KLHL17: variants seen among roughly 807,000 people sequenced by gnomAD.
KLHL17 encodes the protein kelch like family member 17.
Under a neutral mutation model 64.6 loss-of-function variants are expected in KLHL17, and 71 were observed. The ratio of observed to expected loss-of-function variants is 1.10; its 90% CI spans 0.91 to 1.34. KLHL17 has a LOEUF of 1.34. Ranked by LOEUF, KLHL17 falls within the 40% of genes most tolerant of loss-of-function variation. KLHL17 has a pLI of 0.00. For missense variants in KLHL17, 1,140 were observed against 935.0 expected, an observed-to-expected ratio of 1.22 and a Z score of -2.86; for synonymous variants, 612 against 405.4, an observed-to-expected ratio of 1.51 and a Z score of -6.12.
At position 965,367 on chromosome 1, in the gene KLHL17, G is replaced by C. The variant is rs1413948244; in HGVS notation, c.*176G>C. 4.8e-6 allele frequency: 3 copies of C among 631,134 alleles called. No homozygotes were observed. The highest frequency in any genetic ancestry group is 8.1e-6 in the Non-Finnish European group (3 of 368,668). 39.1% of individuals were successfully genotyped at this position (631,134 alleles called of 1,614,324 possible). On this transcript the variant is annotated 3_prime_UTR_variant, in exon 12 of 12. Coordinates refer to ENST00000338591, the MANE Select transcript of KLHL17 (RefSeq NM_198317.3). ...TTATTGAGGGGTGAGGAGTGCCACGGCTGCCCGTTTACACCTTTAGCGTCT... is the reference window on the plus strand; with the variant it reads ...TTATTGAGGGGTGAGGAGTGCCACGCCTGCCCGTTTACACCTTTAGCGTCT...
At chr1:963,078 C>T (rs746901298) in intron 6 of KLHL17, 31 bp from the exon 7 acceptor site, 1 of 1,606,286 alleles carries the variant, frequency 6.2e-7, no homozygotes, top group Admixed American at 1.7e-5. Context: ...GGGATCCACT[C>T]ACGAGTCCCG....
At chr1:962,585 C>G (rs1642708494) in intron 5 of KLHL17, 114 bp downstream of exon 5, 3 of 1,524,962 alleles carry the variant, frequency 2.0e-6, no homozygotes, top group Non-Finnish European at 2.6e-6. Context: ...GGTGGTGCCC[C>G]CACCTGTCTG....
chr1:965,344 A>G lies in KLHL17; in HGVS notation c.*153A>G, dbSNP rs1132832. The G allele has an allele frequency of 2.9e-6, 2 of 701,080 alleles. No homozygotes were observed. The highest frequency in any genetic ancestry group is 1.8e-5 in the African/African-American group (1 of 55,686). The allele number at this position is 701,080 out of a possible 1,614,324, so 43.4% of individuals were successfully genotyped here. A position where few individuals can be genotyped will look rare whatever the true frequency, so the allele number is the denominator to read the frequency against. On this transcript the variant is annotated 3_prime_UTR_variant, in exon 12 of 12. Coordinates refer to ENST00000338591, the MANE Select transcript of KLHL17 (RefSeq NM_198317.3). ...ATTTATTTAGTTATTTATCTTATTT[A>G]TTGAGGGGTGAGGAGTGCCACGGCT...
In KLHL17 at chr1:963,579, G is replaced by A. The variant is rs183082554; in HGVS notation, c.1355+75G>A. On this transcript the variant is annotated intron_variant, in intron 8 of 11. Transcript: ENST00000338591. ...GCAAGTTTGTGTCACCATCACAGGG[G>A]TCGTATCTGATGGGGTGTTAAAGGA... 995 of 1,484,334 alleles carry A rather than the reference G, an allele frequency of 6.7e-4. 5 individuals are homozygous for A. The African/African-American group carries it at 0.011, about 16-fold the overall frequency. 91.9% of individuals were successfully genotyped at this position (1,484,334 alleles called of 1,614,324 possible). A position where few individuals can be genotyped will look rare whatever the true frequency, so the allele number is the denominator to read the frequency against.
Position 965,563 on chromosome 1 carries a change from G to GAT in KLHL17, c.*372_*373insAT. 2 of 276,550 alleles carry GAT rather than the reference G, an allele frequency of 7.2e-6. No homozygotes were observed. Among genetic ancestry groups the GAT allele is most frequent in the Non-Finnish European group, 1.4e-5 (2 of 146,572 alleles). The allele number at this position is 276,550 out of a possible 1,614,324, so 17.1% of individuals were successfully genotyped here. A position where few individuals can be genotyped will look rare whatever the true frequency, so the allele number is the denominator to read the frequency against. ...AGACCCCAGCTCGAATTTTGCACAT[G>GAT]GCGGGGTCCCGGGAAGGGTGGGGAG... On this transcript the variant is annotated 3_prime_UTR_variant, in exon 12 of 12. Transcript: ENST00000338591.
At chr1:964,236 C>T (rs765164447) in intron 10 of KLHL17, 56 bp downstream of exon 10, 19 of 1,603,898 alleles carry the variant, frequency 1.2e-5, no homozygotes, top group Non-Finnish European at 1.6e-5. Flanking sequence ...GGCCCTCCTC[C>T]CTCTGTTTAC....
In KLHL17 at chr1:965,452, C is replaced by A. The variant is rs569884644; in HGVS notation, c.*261C>A. 1.9e-6 allele frequency: 1 copy of A among 540,078 alleles called. No individual in the cohort carries two copies. The highest frequency in any genetic ancestry group is 3.3e-6 in the Non-Finnish European group (1 of 305,510). The allele number at this position is 540,078 out of a possible 1,614,324, so 33.5% of individuals were successfully genotyped here. ...ATGGGGGGCGCGGGGAGTGACCAGG[C>A]GGGGGCCTCACCGCCCCAGGGCCGT... On this transcript the variant is annotated 3_prime_UTR_variant, in exon 12 of 12. Coordinates refer to ENST00000338591, the MANE Select transcript of KLHL17 (RefSeq NM_198317.3).
In KLHL17 at chr1:961,881, G is replaced by T. The variant is rs202222378; in HGVS notation, c.545G>T (p.Cys182Phe). The T allele has an allele frequency of 6.2e-7, 1 of 1,612,560 alleles. No individual in the cohort carries two copies. Among genetic ancestry groups the T allele is most frequent in the Non-Finnish European group, 8.5e-7 (1 of 1,179,996 alleles). ...CTGAATGGCGTCCGAGACGCTTGCTGCAAGTTTCTACTGAGTCAGCTCGAC... is the reference window on the plus strand; with the variant it reads ...CTGAATGGCGTCCGAGACGCTTGCTTCAAGTTTCTACTGAGTCAGCTCGAC... ...LQLNGVRDAC[C>F]KFLLSQLDPS... The change falls in exon 4 of 12, where the codon TGC becomes TTC. Residue 182 changes from cysteine to phenylalanine, a missense_variant. Transcript: ENST00000338591.
chr1:964,356 T>A lies in KLHL17; in HGVS notation c.1526T>A (p.Val509Glu), dbSNP rs769197088. The change falls in exon 11 of 12, where the codon GTG becomes GAG. Residue 509 changes from valine to glutamate, a missense_variant. Physicochemically the swap from Val to Glu is moderately radical, Grantham distance 121. Coordinates refer to ENST00000338591, the MANE Select transcript of KLHL17 (RefSeq NM_198317.3). ...CCACGCCCTCGCCCCCAGGTGAACG[T>A]GTGGTCGCCCGTGGCGTCCATGCTG... ...TVEKYEPQVN[V>E]WSPVASMLSR... 6.4e-7 allele frequency: 1 copy of A among 1,553,708 alleles called. No homozygotes were observed. The highest frequency in any genetic ancestry group is 8.7e-7 in the Non-Finnish European group (1 of 1,151,600).
intron 11 of KLHL17, 92 bp from the exon 12 acceptor site, chr1:964,871 C>A (rs963899333): frequency 9.7e-7 from 1 of 1,034,378 alleles, no homozygotes; most frequent in Non-Finnish European, 1.4e-6. Context: ...CCAACCTCAG[C>A]GAGCATGTCC....
Position 962,506 on chromosome 1 carries a change from C to T in KLHL17, c.828+35C>T, listed in dbSNP as rs768344458. ...GGCCGCGGGGGGCTCCCACAGCATCCAGGAGGGCATGCAGGTGGCTGAGGG... is the reference window on the plus strand; with the variant it reads ...GGCCGCGGGGGGCTCCCACAGCATCTAGGAGGGCATGCAGGTGGCTGAGGG... On this transcript the variant is annotated intron_variant, in intron 5 of 11. Coordinates refer to ENST00000338591, the MANE Select transcript of KLHL17 (RefSeq NM_198317.3). 3.1e-6 allele frequency: 5 copies of T among 1,607,918 alleles called. No homozygotes were observed. In the East Asian group the frequency reaches 8.9e-5, roughly 29 times the overall value.
At position 961,383 on chromosome 1, in the gene KLHL17, C is replaced by G. The variant is rs780196143; in HGVS notation, c.198C>G (p.Ser66Arg). ...AVQLLSREGH[S>R]VAHNSKRHYH... is the part of the protein sequence containing the mutation. Reference sequence around the variant, plus strand: ...AGCTGCTGAGCCGCGAGGGCCACAGCGTGGCCCACAACTCCAAGCGGCACT... The same window carrying G: ...AGCTGCTGAGCCGCGAGGGCCACAGGGTGGCCCACAACTCCAAGCGGCACT... Residue 66 changes from serine (S) to arginine (R), a missense_variant, in exon 2 of 12, where the codon AGC becomes AGG. Coordinates refer to ENST00000338591, the MANE Select transcript of KLHL17 (RefSeq NM_198317.3). 16 of 1,600,376 alleles carry G rather than the reference C, an allele frequency of 1.0e-5. No individual in the cohort carries two copies. Among genetic ancestry groups the G allele is most frequent in the Non-Finnish European group, 1.4e-5 (16 of 1,174,568 alleles).
rs539995461 is a variant in KLHL17 at position 964,623 on chromosome 1, G to GC, written c.1700+93_1700+94insC. The GC allele has an allele frequency of 3.2e-6, 3 of 927,732 alleles. No individual in the cohort carries two copies. In the East Asian group the frequency reaches 9.9e-5, roughly 31 times the overall value. 57.5% of individuals were successfully genotyped at this position (927,732 alleles called of 1,614,324 possible). ...CCGCAGTGGGGATGTGCTGCGGGGA[G>GC]GGGGGCGCGGGTCCGCAGTGGGGAT... On this transcript the variant is annotated intron_variant, in intron 11 of 11. Coordinates refer to ENST00000338591, the MANE Select transcript of KLHL17 (RefSeq NM_198317.3).
chr1:965,125 G>A lies in KLHL17; in HGVS notation c.1863G>A (p.Val621=), dbSNP rs28705211. ...GGCGCAGCAGTGTGGGTGTGGCGGT[G>A]CTGGAGCTGCTCAATTTCCCGCCGC... ...FTRRSSVGVA[V]LELLNFPPPS... Residue 621 remains valine, a synonymous_variant, in exon 12 of 12, where the codon GTG becomes GTA. Transcript: ENST00000338591. The A allele has an allele frequency of 1.2e-6, 2 of 1,612,346 alleles. No homozygotes were observed. Among genetic ancestry groups the A allele is most frequent in the Non-Finnish European group, 1.7e-6 (2 of 1,179,772 alleles).
At chr1:962,305 G>A in intron 4 of KLHL17, 50 bp from the exon 5 acceptor site, 20 of 1,609,228 alleles carry the variant, frequency 1.2e-5, no homozygotes, top group Non-Finnish European at 1.7e-5. Flanking sequence ...GGGCTCCCTG[G>A]GTCCACAGGA....
chr1:963,550 A>G (rs752765535), intron 8 of KLHL17, 46 bp downstream of exon 8: 5 of 1,552,908 alleles, frequency 3.2e-6, no homozygotes, highest in Non-Finnish European at 4.4e-6. Flanking sequence ...TCCATCTGCA[A>G]GAGGCAAGTT....
Position 961,990 on chromosome 1 carries a change from G to A in KLHL17, c.654G>A (p.Leu218=), listed in dbSNP as rs752015500. The stretch of plus-strand genomic sequence containing the variant: ...TCAAGGCCGCCCACAGGTACGTGCT[G>A]CAGCACTTCGTGGACGTGGCCAAGA... ...DLLKAAHRYV[L]QHFVDVAKTE... is the part of the protein sequence containing the mutation. Residue 218 remains leucine, a synonymous_variant, in exon 4 of 12, where the codon CTG becomes CTA. Coordinates refer to ENST00000338591, the MANE Select transcript of KLHL17 (RefSeq NM_198317.3). The A allele has an allele frequency of 3.1e-6, 5 of 1,612,942 alleles. No homozygotes were observed. The highest frequency in any genetic ancestry group is 1.7e-5 in the Admixed American group (1 of 60,034).
At position 965,565 on chromosome 1, in the gene KLHL17, C is replaced by T. The variant is rs565702777; in HGVS notation, c.*374C>T. 7.9e-5 allele frequency: 21 copies of T among 266,002 alleles called. 1 individual carries two copies. The highest frequency in any genetic ancestry group is 1.4e-4 in the Non-Finnish European group (19 of 139,956). 16.5% of individuals were successfully genotyped at this position (266,002 alleles called of 1,614,324 possible). On this transcript the variant is annotated 3_prime_UTR_variant, in exon 12 of 12. Transcript: ENST00000338591. The stretch of plus-strand genomic sequence containing the variant: ...ACCCCAGCTCGAATTTTGCACATGG[C>T]GGGGTCCCGGGAAGGGTGGGGAGCA...
rs748750662 is a variant in KLHL17, at chr1:964,100, C to G, written c.1445-7C>G. The G allele has an allele frequency of 2.5e-6, 4 of 1,612,568 alleles. No individual in the cohort carries two copies. Among genetic ancestry groups the G allele is most frequent in the Non-Finnish European group, 3.4e-6 (4 of 1,179,914 alleles). On this transcript the variant is annotated splice_region_variant and splice_polypyrimidine_tract_variant and intron_variant, in intron 9 of 11. Transcript: ENST00000338591. ...AGGAGTGCCACGGGTGTGTTGACTT[C>G]CGGCAGATGGGAACCTGTATGCTGT...
Sources: gnomAD v4.1 joint callset for allele counts on GRCh38, gnomAD v4.1.1 for gene constraint, MANE v1.5 for transcripts, NCBI Gene and HGNC (gene_info 2026-07-23, HGNC 2026-07-21) for gene names.